The following IVNS1ABP variants were observed in gnomAD, a reference collection of about 807,000 sequenced individuals.
IVNS1ABP encodes influenza virus NS1A binding protein, also known as influenza virus NS1A-binding protein.
In IVNS1ABP, 25 loss-of-function variants were observed where a neutral mutation model predicts 78.9. The observed-to-expected ratio is 0.32, with a 90% CI of 0.23 to 0.44. The LOEUF is 0.44. Among genes scored for constraint, IVNS1ABP ranks in the 20% least tolerant of loss-of-function variants. IVNS1ABP has a pLI of 1.00. For synonymous variants in IVNS1ABP, 241 were observed against 259.7 expected, an observed-to-expected ratio of 0.93 and a Z score of 0.69; for missense variants, 494 against 768.9, an observed-to-expected ratio of 0.64 and a Z score of 4.23.
intron 1 of IVNS1ABP, among the ~76,000 whole-genome samples, chr1:185,314,093 C>T (rs1424922297): frequency 6.6e-6 from 1 of 152,178 alleles, no homozygotes; most frequent in East Asian, 1.9e-4. Context: ...AGTCAGCTCC[C>T]ACCAAGTAGC....
chr1:185,299,341 T>C (rs538346353), intron 14 of IVNS1ABP: 1 of 259,082 alleles, frequency 3.9e-6, no homozygotes, highest in Non-Finnish European at 7.6e-6. Flanking sequence ...GAGTAGACAG[T>C]TGGAAAAGAC....
intron 5 of IVNS1ABP, chr1:185,308,011 G>A (rs1030224352): frequency 6.5e-7 from 1 of 1,549,734 alleles, no homozygotes; most frequent in African/African-American, 1.4e-5. Context: ...CAGAAGTAGA[G>A]AAGATGCTGC....
intron 8 of IVNS1ABP, among the ~76,000 whole-genome samples, chr1:185,302,768 T>C (rs1256039958): frequency 6.6e-6 from 1 of 152,118 alleles, no homozygotes; most frequent in African/African-American, 2.4e-5. Flanking sequence ...ATTTACATCA[T>C]CTCTTTTAGT....
chr1:185,305,510 G>T lies in IVNS1ABP; in HGVS notation c.765+26C>A, dbSNP rs376170523. The T allele has an allele frequency of 1.9e-5, 30 of 1,606,736 alleles. No homozygotes were observed. The African/African-American group carries it at 3.4e-4, about 18-fold the overall frequency. ...TTCTCTAGTCAAATTTTAACCTGAG[G>T]TTACCTCAGACTGTGCAATGTGTAC... On this transcript the variant is annotated intron_variant, in intron 8 of 14. Coordinates refer to ENST00000367498, the MANE Select transcript of IVNS1ABP (RefSeq NM_006469.5). The surrounding 1 kb of genome is among the most constrained non-coding windows in gnomAD (Gnocchi z 4.0).
At chr1:185,308,693 A>T in intron 5 of IVNS1ABP, 107 bp downstream of exon 5, 1 of 783,286 alleles carries the variant, frequency 1.3e-6, no homozygotes, top group African/African-American at 1.7e-5. Flanking sequence ...GAAAAAAGGG[A>T]CATGTTCAAG....
intron 3 of IVNS1ABP, 36 bp from the exon 4 acceptor site, chr1:185,309,208 G>A: frequency 6.8e-7 from 1 of 1,461,402 alleles, no homozygotes; most frequent in Non-Finnish European, 9.2e-7. Context: ...TAAGTATTGT[G>A]GATTATGTGC....
chr1:185,299,548 T>C, intron 14 of IVNS1ABP, 162 bp downstream of exon 14: 1 of 693,492 alleles, frequency 1.4e-6, no homozygotes, highest in Admixed American at 2.4e-5. Context: ...TTAGAAAATA[T>C]ATTTCTAAAG....
Position 185,311,134 on chromosome 1 carries a change from AG to A in IVNS1ABP, c.-59del, listed in dbSNP as rs1665876558. 2.7e-6 allele frequency: 1 copy of A among 375,230 alleles called. No individual in the cohort carries two copies. Among genetic ancestry groups the A allele is most frequent in the Admixed American group, 4.6e-5 (1 of 21,854 alleles). The allele number at this position is 375,230 out of a possible 1,614,324, so 23.2% of individuals were successfully genotyped here. ...GCAAATGTATTTCTGGGAACTCTTA[AG>A]TAATCCAAGGACAAAGGAGTGTTAA... is the stretch of plus-strand genomic sequence containing the variant. On this transcript the variant is annotated 5_prime_UTR_variant, in exon 2 of 15. Transcript: ENST00000367498.
intron 1 of IVNS1ABP, among the ~76,000 whole-genome samples, chr1:185,313,976 T>C (rs1181619416): frequency 1.3e-5 from 2 of 152,116 alleles, no homozygotes; most frequent in African/African-American, 4.8e-5. Flanking sequence ...ATTCAACAGG[T>C]CTTATCAAAG....
Position 185,298,235 on chromosome 1 carries a change from C to A in IVNS1ABP, c.1729G>T (p.Glu577Ter). The change falls in exon 15 of 15, where the codon GAA becomes TAA. Residue 577 changes from glutamate (E) to a stop codon, truncating the protein, a stop_gained. Coordinates refer to ENST00000367498, the MANE Select transcript of IVNS1ABP (RefSeq NM_006469.5). LOFTEE classifies it high-confidence loss of function. This position sits in a 1 kb window ranked among gnomAD's most constrained non-coding sequence, Gnocchi z 4.1. ...TCATTTCTAGTTGGATCATACATTT[C>A]CACACAACTGATGGCATGAGAACCA... ...FDGSHAISCV[E>*]MYDPTRNEWK... is the part of the protein sequence containing the mutation. 6.2e-7 allele frequency: 1 copy of A among 1,613,588 alleles called. No homozygotes were observed. Among genetic ancestry groups the A allele is most frequent in the South Asian group, 1.1e-5 (1 of 91,074 alleles).
In IVNS1ABP at chr1:185,309,479, T is replaced by A. The variant is rs1295348986; in HGVS notation, c.15A>T (p.Gly5=). Residue 5 remains glycine (G), a synonymous_variant, in exon 3 of 15, where the codon GGA becomes GGT. Transcript: ENST00000367498. ...AATTTTCATCCTCAAACATCAAATA[T>A]CCATTGGGAATCATTTTTCCTTATA... MIPN[G]YLMFEDENFI... 3 of 1,597,014 alleles carry A rather than the reference T, an allele frequency of 1.9e-6. No individual in the cohort carries two copies. The highest frequency in any genetic ancestry group is 2.6e-6 in the Non-Finnish European group (3 of 1,167,444).
chr1:185,300,809 TACAG>T (rs1270911921), intron 10 of IVNS1ABP, 159 bp downstream of exon 10: 1 of 686,180 alleles, frequency 1.5e-6, no homozygotes, highest in African/African-American at 1.8e-5. Flanking sequence ...AAAAATTAGA[TACAG>T]ACATTGAACT....
Position 185,298,323 on chromosome 1 carries a change from TTAAAGTG to T in IVNS1ABP, c.1676-42_1676-36del. On this transcript the variant is annotated intron_variant, in intron 14 of 14. Transcript: ENST00000367498. The surrounding 1 kb of genome is among the most constrained non-coding windows in gnomAD (Gnocchi z 4.1). ...AAATGAGATGGGGTAAATCCAGAGA[TTAAAGTG>T]TAATAAGGTAAAACTCCCCTAAATC... is the stretch of plus-strand genomic sequence containing the variant. 6.3e-7 allele frequency: 1 copy of T among 1,597,190 alleles called. No individual in the cohort carries two copies. The highest frequency in any genetic ancestry group is 8.6e-7 in the Non-Finnish European group (1 of 1,169,494).
chr1:185,299,730 G>C lies in IVNS1ABP; in HGVS notation c.1655C>G (p.Ala552Gly). The change falls in exon 14 of 15, where the codon GCT (alanine) becomes GGT (glycine). Residue 552 changes from alanine (A) to glycine (G), a missense_variant. By Grantham distance (60) the Ala-to-Gly change is moderately conservative (BLOSUM62 0). Coordinates refer to ENST00000367498, the MANE Select transcript of IVNS1ABP (RefSeq NM_006469.5). ...IAPMNVARRGAGVAVLNGKLF... is the reference protein window; with the variant it reads ...IAPMNVARRGGGVAVLNGKLF... ...CTCACCATTAAGAACAGCCACTCCA[G>C]CTCCTCGCCTAGCCACATTCATGGG... 6.2e-7 allele frequency: 1 copy of C among 1,613,578 alleles called. No individual in the cohort carries two copies. The highest frequency in any genetic ancestry group is 8.5e-7 in the Non-Finnish European group (1 of 1,179,742).
Position 185,305,475 on chromosome 1 carries a change from T to A in IVNS1ABP, c.765+61A>T. 6.3e-7 allele frequency: 1 copy of A among 1,582,114 alleles called. No individual in the cohort carries two copies. The highest frequency in any genetic ancestry group is 8.6e-7 in the Non-Finnish European group (1 of 1,159,414). On this transcript the variant is annotated intron_variant, in intron 8 of 14. Coordinates refer to ENST00000367498, the MANE Select transcript of IVNS1ABP (RefSeq NM_006469.5). This position sits in a 1 kb window ranked among gnomAD's most constrained non-coding sequence, Gnocchi z 4.0. ...CCTTTATTAAAGGAAAATTTAAGTA[T>A]GCTATCAAATTCTCTAGTCAAATTT...
Position 185,301,513 on chromosome 1 carries a change from A to T in IVNS1ABP, c.816T>A (p.Thr272=). Residue 272 remains threonine, a synonymous_variant, in exon 9 of 15, where the codon ACT becomes ACA. Transcript: ENST00000367498. The stretch of plus-strand genomic sequence containing the variant: ...TAGCATTTGGAGAAGAGAGACATCC[A>T]GTTGAACTGCTACTTATCTGCTTAT... ...NGHKQISSSS[T]GCLSSPNATV... 1 of 1,613,212 alleles carries T rather than the reference A, an allele frequency of 6.2e-7. No individual in the cohort carries two copies. Among genetic ancestry groups the T allele is most frequent in the Non-Finnish European group, 8.5e-7 (1 of 1,179,368 alleles).
chr1:185,307,108 A>C lies in IVNS1ABP; in HGVS notation c.563T>G (p.Leu188Trp). 1.9e-6 allele frequency: 3 copies of C among 1,613,502 alleles called. No homozygotes were observed. Residue 188 changes from leucine (L) to tryptophan (W), a missense_variant, in exon 7 of 15, where the codon TTG becomes TGG. Physicochemically the swap from Leu to Trp is moderately conservative, Grantham distance 61. Coordinates refer to ENST00000367498, the MANE Select transcript of IVNS1ABP (RefSeq NM_006469.5). The stretch of plus-strand genomic sequence containing the variant: ...TGTATATAATTTGCCATTGCTGGGC[A>C]AGCAAACATTATCTTCAAGCATTAC... ...LEVMLEDNVCLPSNGKLYTKV... is the reference protein window; with the variant it reads ...LEVMLEDNVCWPSNGKLYTKV...
rs1665419746 is a variant in IVNS1ABP at position 185,296,398 on chromosome 1, G to A, written c.*1637C>T. ...AAGTGATCTCAAGGATTTTAGTGCTGAATCCTCAACTAAAATTTTATTTCC... is the reference window on the plus strand; with the variant it reads ...AAGTGATCTCAAGGATTTTAGTGCTAAATCCTCAACTAAAATTTTATTTCC... On this transcript the variant is annotated 3_prime_UTR_variant, in exon 15 of 15. Coordinates refer to ENST00000367498, the MANE Select transcript of IVNS1ABP (RefSeq NM_006469.5). 1.3e-5 allele frequency: 2 copies of A among 152,104 alleles called. No homozygotes were observed. The highest frequency in any genetic ancestry group is 4.1e-4 in the South Asian group (2 of 4,830). 9.4% of individuals were successfully genotyped at this position (152,104 alleles called of 1,614,324 possible).
intron 8 of IVNS1ABP, among the ~76,000 whole-genome samples, chr1:185,304,943 G>A (rs186393303): frequency 6.6e-6 from 1 of 152,144 alleles, no homozygotes; most frequent in East Asian, 1.9e-4. Flanking sequence ...TACTCATAGG[G>A]GAAAAATGAA....
Sources: allele counts gnomAD v4.1 joint callset (sites outside exome capture counted in the v4.1 genomes callset), GRCh38; gene constraint gnomAD v4.1.1; non-coding constraint Gnocchi (gnomAD v3.1); transcripts MANE v1.5; gene names NCBI Gene and HGNC (gene_info 2026-07-23, HGNC 2026-07-21).